The following CEP164 variants were observed in gnomAD, a reference collection of about 807,000 sequenced individuals.
CEP164 encodes centrosomal protein 164, also known as centrosomal protein of 164 kDa.
In CEP164, 162 loss-of-function variants were observed where a neutral mutation model predicts 182.7. The ratio of observed to expected loss-of-function variants is 0.89; its 90% CI spans 0.78 to 1.01. The LOEUF (loss-of-function observed/expected upper bound fraction) is 1.01. CEP164 is among the 50% of genes least tolerant of loss of function. CEP164 has a pLI of 0.00. For missense variants in CEP164, 1,735 were observed against 1,790.4 expected, an observed-to-expected ratio of 0.97 and a Z score of 0.56; for synonymous variants, 661 against 690.0, an observed-to-expected ratio of 0.96 and a Z score of 0.66.
chr11:117,334,055 C>G (rs905841272), intron 1 of CEP164, among the ~76,000 whole-genome samples: 4 of 152,178 alleles, frequency 2.6e-5, no homozygotes, highest in African/African-American at 9.7e-5. Context: ...GGCTTATTTC[C>G]TTCAGAGCAC....
chr11:117,368,071 A>G (rs1013026743), intron 8 of CEP164, among the ~76,000 whole-genome samples: 2 of 152,204 alleles, frequency 1.3e-5, no homozygotes, highest in Admixed American at 6.5e-5. Flanking sequence ...AACCTTTACT[A>G]AGCACTTGTT....
At chr11:117,401,021 G>T (rs1051989732) in intron 27 of CEP164, among the ~76,000 whole-genome samples, 1 of 152,112 alleles carries the variant, frequency 6.6e-6, no homozygotes, top group African/African-American at 2.4e-5. Flanking sequence ...TTCCAATACT[G>T]TGTTGAATAG....
chr11:117,376,345 T>C (rs888839126), intron 11 of CEP164, among the ~76,000 whole-genome samples: 3 of 152,188 alleles, frequency 2.0e-5, no homozygotes, highest in Non-Finnish European at 2.9e-5. Context: ...TGATGGTTGT[T>C]TGTCTGTCTC....
chr11:117,385,091 G>A (rs2043789356), intron 14 of CEP164: 1 of 152,216 alleles, frequency 6.6e-6, no homozygotes, highest in East Asian at 1.9e-4. Context: ...CCATTTCACA[G>A]TGTTTCTAGG....
intron 8 of CEP164, among the ~76,000 whole-genome samples, chr11:117,369,794 T>G (rs551381134): frequency 6.6e-6 from 1 of 152,358 alleles, no homozygotes; most frequent in South Asian, 2.1e-4. Context: ...ATTTTTCTCT[T>G]TTGACTGACT....
intron 27 of CEP164, among the ~76,000 whole-genome samples, chr11:117,407,088 C>G (rs1329617344): frequency 6.6e-6 from 1 of 151,858 alleles, no homozygotes; most frequent in Non-Finnish European, 1.5e-5. Context: ...CAGAGCGAGA[C>G]TCTATTTCAA....
Position 117,412,440 on chromosome 11 carries a change from G to A in CEP164, c.*272G>A, listed in dbSNP as rs943252384. On this transcript the variant is annotated 3_prime_UTR_variant, in exon 33 of 33. Transcript: ENST00000278935. ...GCGGTGGCTGCGGGGTATCAGGGCC[G>A]GGAGCCCTTTGGGAGGAAGGGAGGC... The A allele has an allele frequency of 9.3e-5, 31 of 333,612 alleles. No individual in the cohort carries two copies. The highest frequency in any genetic ancestry group is 8.9e-4 in the South Asian group (25 of 27,972). The allele number at this position is 333,612 out of a possible 1,614,324, so 20.7% of individuals were successfully genotyped here.
chr11:117,393,191 A>G (rs955819616), intron 20 of CEP164, 65 bp downstream of exon 20: 116 of 1,567,146 alleles, frequency 7.4e-5, no homozygotes, highest in Non-Finnish European at 9.2e-5. Context: ...GCACATGCAC[A>G]CACACATGCA....
At chr11:117,355,899 C>A (rs1441888442) in intron 5 of CEP164, 81 of 1,042,206 alleles carry the variant, frequency 7.8e-5, no homozygotes, top group Non-Finnish European at 9.2e-5. Flanking sequence ...TTAGGGAGGG[C>A]TCCCGAGGAG....
At chr11:117,395,902 A>G (rs1565594803) in intron 24 of CEP164, 152 bp from the exon 25 acceptor site, 5 of 1,215,912 alleles carry the variant, frequency 4.1e-6, no homozygotes, top group Non-Finnish European at 5.7e-6. Context: ...TGTGAAAAGC[A>G]GGGGATCTCT....
At chr11:117,344,990 GGATGTT>G (rs1390533161) in intron 4 of CEP164, among the ~76,000 whole-genome samples, 4 of 152,050 alleles carry the variant, frequency 2.6e-5, no homozygotes, top group Non-Finnish European at 5.9e-5. Context: ...AAAATAAAAT[GGATGTT>G]GATGTTAAAG....
At chr11:117,389,722 T>C (rs2044377042) in intron 15 of CEP164, among the ~76,000 whole-genome samples, 1 of 152,170 alleles carries the variant, frequency 6.6e-6, no homozygotes, top group African/African-American at 2.4e-5. Context: ...AGGGAATTCT[T>C]GGCAGAGAAC....
At chr11:117,355,627 T>A (rs2040215066) in intron 5 of CEP164, 7 of 1,196,352 alleles carry the variant, frequency 5.9e-6, no homozygotes, top group Non-Finnish European at 7.4e-6. Context: ...TGTTGTTAGA[T>A]AGCAGCCCTA....
chr11:117,370,973 A>G (rs892569176), intron 8 of CEP164, 107 bp from the exon 9 acceptor site: 5 of 1,201,782 alleles, frequency 4.2e-6, no homozygotes, highest in Non-Finnish European at 5.8e-6. Context: ...GAACTCAGGC[A>G]CTGGCCTGTG....
At chr11:117,354,853 T>G in intron 5 of CEP164, 2 of 1,122,306 alleles carry the variant, frequency 1.8e-6, no homozygotes, top group Non-Finnish European at 2.2e-6. Context: ...TGCTGAGGGC[T>G]TGCCCAGGGC....
Position 117,411,110 on chromosome 11 carries a change from G to T in CEP164, c.4163+216G>T, listed in dbSNP as rs2047304288. 3.6e-6 allele frequency: 2 copies of T among 549,044 alleles called. No homozygotes were observed. Among genetic ancestry groups the T allele is most frequent in the Non-Finnish European group, 6.6e-6 (2 of 302,820 alleles). The allele number at this position is 549,044 out of a possible 1,614,324, so 34.0% of individuals were successfully genotyped here. On this transcript the variant is annotated intron_variant, in intron 31 of 32. Coordinates refer to ENST00000278935, the MANE Select transcript of CEP164 (RefSeq NM_014956.5). The surrounding 1 kb of genome is among the most constrained non-coding windows in gnomAD (Gnocchi z 4.4). ...TCAAGTTCACACCGCCAAGGTCCCA[G>T]TGGGGAAGGGCTGGGCTTACCCTGC...
intron 27 of CEP164, among the ~76,000 whole-genome samples, chr11:117,406,511 A>T (rs2046692729): frequency 6.6e-6 from 1 of 152,234 alleles, no homozygotes; most frequent in African/African-American, 2.4e-5. Flanking sequence ...CAGTAGTAAT[A>T]GTCCCATTTT....
chr11:117,406,992 G>A (rs961176358), intron 27 of CEP164, among the ~76,000 whole-genome samples: 2 of 152,174 alleles, frequency 1.3e-5, no homozygotes, highest in African/African-American at 4.8e-5. Context: ...TACCCAGGAG[G>A]CTGAGGCAGG....
intron 5 of CEP164, among the ~76,000 whole-genome samples, chr11:117,357,940 C>T (rs186686007): frequency 1.6e-4 from 25 of 152,260 alleles, no homozygotes; most frequent in African/African-American, 3.9e-4. Context: ...TACCTTTGTC[C>T]CTTTAAAGAG....
Sources: allele counts gnomAD v4.1 joint callset (sites outside exome capture counted in the v4.1 genomes callset), GRCh38; gene constraint gnomAD v4.1.1; non-coding constraint Gnocchi (gnomAD v3.1); transcripts MANE v1.5; gene names NCBI Gene and HGNC (gene_info 2026-07-23, HGNC 2026-07-21).